The following COL4A2 variants were observed in gnomAD, a reference collection of about 807,000 sequenced individuals.
COL4A2 encodes the protein collagen type IV alpha 2 chain.
In COL4A2, 99 loss-of-function variants were observed where a neutral mutation model predicts 200.2. The ratio of observed to expected loss-of-function variants is 0.49; its 90% CI spans 0.42 to 0.58. The LOEUF (loss-of-function observed/expected upper bound fraction) is 0.58. Among genes scored for constraint, COL4A2 ranks in the 20% least tolerant of loss-of-function variants. The pLI is 0.00. For synonymous variants in COL4A2, 897 were observed against 900.6 expected, an observed-to-expected ratio of 1.00 and a Z score of 0.07; for missense variants, 1,950 against 2,314.1, an observed-to-expected ratio of 0.84 and a Z score of 3.23.
At chr13:110,316,061 G>A (rs1206599566) in intron 3 of COL4A2, among the ~76,000 whole-genome samples, 2 of 152,020 alleles carry the variant, frequency 1.3e-5, no homozygotes, top group African/African-American at 4.8e-5. Context: ...TGAAAGATTT[G>A]CATTTTTTCC....
Position 110,428,488 on chromosome 13 carries a change from C to T in COL4A2, c.382C>T (p.Pro128Ser), listed in dbSNP as rs975120661. The change falls in exon 7 of 48, where the codon CCC (proline) becomes TCC (serine). Residue 128 changes from proline (P) to serine (S), a missense_variant. Physicochemically the swap from Pro to Ser is moderately conservative, Grantham distance 74. This residue lies in a region of COL4A2 where 565 missense variants were observed against 593.5 expected (regional missense o/e 0.95). Coordinates refer to ENST00000360467, the MANE Select transcript of COL4A2 (RefSeq NM_001846.4). The part of the protein sequence containing the change: ...GIPGHPGQGG[P>S]RGRPGYDGCN... Reference sequence around the variant, plus strand: ...CCAGGGACACCCGGGGCAAGGTGGGCCCAGGGGAAGGCCGGGCTACGATGG... The same window carrying T: ...CCAGGGACACCCGGGGCAAGGTGGGTCCAGGGGAAGGCCGGGCTACGATGG... 64 of 1,579,700 alleles carry T rather than the reference C, an allele frequency of 4.1e-5. No individual in the cohort carries two copies. The highest frequency in any genetic ancestry group is 5.2e-5 in the Non-Finnish European group (61 of 1,168,054).
chr13:110,449,728 C>G lies in COL4A2; in HGVS notation c.1128C>G (p.Ser376Arg). ...GFPGAQGEPG[S>R]QGEPGDPGLP... ...CAGGGGCCCAAGGGGAGCCAGGAAG[C>G]CAGGGTGAGCCAGGAGACCCGGGCC... Residue 376 changes from serine (S) to arginine (R), a missense_variant, in exon 19 of 48, where the codon AGC (serine) becomes AGG (arginine). Around this residue, in one of 2 missense-constraint regions of COL4A2, gnomAD observed 565 missense variants for 593.5 expected, o/e 0.95. Transcript: ENST00000360467. 6.5e-7 allele frequency: 1 copy of G among 1,549,556 alleles called. No homozygotes were observed. The highest frequency in any genetic ancestry group is 8.7e-7 in the Non-Finnish European group (1 of 1,146,552).
In COL4A2 at chr13:110,459,263, C is replaced by T. The variant is rs140432620; in HGVS notation, c.1596+329C>T. On this transcript the variant is annotated intron_variant, in intron 22 of 47. Coordinates refer to ENST00000360467, the MANE Select transcript of COL4A2 (RefSeq NM_001846.4). Reference sequence around the variant, plus strand: ...GCACGTGTCCACACAAACACACATACACCAATGTTCACAGCAGCATTCTTC... The same window carrying T: ...GCACGTGTCCACACAAACACACATATACCAATGTTCACAGCAGCATTCTTC... 814 of 243,892 alleles carry T rather than the reference C, an allele frequency of 3.3e-3. 7 individuals carry two copies. The highest frequency in any genetic ancestry group is 0.017 in the African/African-American group (752 of 44,294). 15.1% of individuals were successfully genotyped at this position (243,892 alleles called of 1,614,324 possible).
At chr13:110,320,169 C>T (rs1321290476) in intron 3 of COL4A2, among the ~76,000 whole-genome samples, 1 of 152,214 alleles carries the variant, frequency 6.6e-6, no homozygotes, top group Non-Finnish European at 1.5e-5. Flanking sequence ...TTTTGCCAGG[C>T]GCAGCCGCAC....
chr13:110,477,169 C>T (rs1034348551), intron 29 of COL4A2, among the ~76,000 whole-genome samples: 2 of 152,078 alleles, frequency 1.3e-5, no homozygotes, highest in African/African-American at 2.4e-5. Flanking sequence ...GGCAACATGG[C>T]AAAACCCTGT....
intron 45 of COL4A2, among the ~76,000 whole-genome samples, chr13:110,505,684 G>A (rs1261723281): frequency 6.6e-6 from 1 of 152,198 alleles, no homozygotes; most frequent in African/African-American, 2.4e-5. Context: ...GTGCTCCTCG[G>A]GTAGGAGTTA....
In COL4A2 at chr13:110,482,502, CTT is replaced by C. The variant is rs781552096; in HGVS notation, c.2759-11_2759-10del. On this transcript the variant is annotated splice_polypyrimidine_tract_variant and intron_variant, in intron 31 of 47. Transcript: ENST00000360467. Reference sequence around the variant, plus strand: ...TTCATGTCTAACCCAGCACTTTTCTCTTTTCCTCTGAAGGAGATAGAGGCTCA... The same window carrying C: ...TTCATGTCTAACCCAGCACTTTTCTCTTCCTCTGAAGGAGATAGAGGCTCA... The C allele has an allele frequency of 2.5e-6, 4 of 1,612,750 alleles. No individual in the cohort carries two copies. In the South Asian group the frequency reaches 3.3e-5, roughly 13 times the overall value.
At chr13:110,322,439 C>T (rs1043170749) in intron 3 of COL4A2, among the ~76,000 whole-genome samples, 1 of 152,172 alleles carries the variant, frequency 6.6e-6, no homozygotes, top group South Asian at 2.1e-4. Flanking sequence ...GGTGCAGGCA[C>T]CAGACCTAAA....
At chr13:110,457,601 G>A (rs577889275) in intron 21 of COL4A2, 166 bp downstream of exon 21, 103 of 701,012 alleles carry the variant, frequency 1.5e-4, no homozygotes, top group South Asian at 1.1e-3. Flanking sequence ...AGAGGGAGGC[G>A]CATGGAGCCA....
intron 8 of COL4A2, 99 bp downstream of exon 8, chr13:110,430,055 T>C (rs889901483): frequency 2.4e-6 from 3 of 1,226,634 alleles, no homozygotes; most frequent in Admixed American, 2.8e-5. Context: ...TAAGAATGAA[T>C]GTACTGAAGG....
At chr13:110,494,898 C>T (rs1261706984) in intron 39 of COL4A2, among the ~76,000 whole-genome samples, 23 of 152,222 alleles carry the variant, frequency 1.5e-4, no homozygotes, top group Non-Finnish European at 4.4e-5. Flanking sequence ...TTCCAGTGGG[C>T]GAGTGGCGGG....
chr13:110,458,175 C>T (rs1410059455), intron 21 of COL4A2: 4 of 465,792 alleles, frequency 8.6e-6, no homozygotes, highest in Middle Eastern at 3.3e-4. Flanking sequence ...GAGCAGGCAC[C>T]GCAGGACCTG....
chr13:110,479,479 A>G (rs188509361), intron 30 of COL4A2, among the ~76,000 whole-genome samples: 1,096 of 10,824 alleles, frequency 0.1, 9 homozygotes, highest in Non-Finnish European at 0.15. Context: ...CCCAGGGAAC[A>G]CTTTGGAGCC....
At chr13:110,396,879 G>T (rs1307024863) in intron 4 of COL4A2, among the ~76,000 whole-genome samples, 1 of 152,178 alleles carries the variant, frequency 6.6e-6, no homozygotes, top group Non-Finnish European at 1.5e-5. Context: ...GTGTCAGATG[G>T]TATGCATAGA....
intron 29 of COL4A2, among the ~76,000 whole-genome samples, chr13:110,474,944 GCA>G (rs71127943): frequency 6.1e-5 from 3 of 48,984 alleles, no homozygotes; most frequent in African/African-American, 2.1e-4. Context: ...ACGTGCCTGT[GCA>G]CACACGATCA....
At chr13:110,425,769 G>A (rs906256098) in intron 6 of COL4A2, among the ~76,000 whole-genome samples, 1 of 152,212 alleles carries the variant, frequency 6.6e-6, no homozygotes, top group Admixed American at 6.5e-5. Context: ...CACGCACAGG[G>A]AGAGAGACTC....
chr13:110,349,567 G>T (rs1401778686), intron 3 of COL4A2, among the ~76,000 whole-genome samples: 1 of 152,138 alleles, frequency 6.6e-6, no homozygotes, highest in Non-Finnish European at 1.5e-5. Flanking sequence ...GGCAGCTAGT[G>T]ACTCCAAGCA....
rs74969992 is a variant in COL4A2, at chr13:110,488,596, G to A, written c.3208-849G>A. 5.5e-3 allele frequency among the ~76,000 whole-genome samples: 838 copies of A among 152,310 alleles called. 3 individuals are homozygous for A. The highest frequency in any genetic ancestry group is 8.4e-3 in the Non-Finnish European group (574 of 68,032). Reference sequence around the variant, plus strand: ...CAGCCCCATATCTGTGTTATAATCTGCAGAGAGCAAGCTCTGCAGTCTGGC... The same window carrying A: ...CAGCCCCATATCTGTGTTATAATCTACAGAGAGCAAGCTCTGCAGTCTGGC... On this transcript the variant is annotated intron_variant, in intron 34 of 47. Transcript: ENST00000360467.
chr13:110,327,258 C>G (rs1485234658), intron 3 of COL4A2, among the ~76,000 whole-genome samples: 1 of 152,240 alleles, frequency 6.6e-6, no homozygotes, highest in Non-Finnish European at 1.5e-5. Context: ...CCCAGTTACT[C>G]TGGTTGGGTT....
Sources: allele counts gnomAD v4.1 joint callset (sites outside exome capture counted in the v4.1 genomes callset), GRCh38; gene constraint gnomAD v4.1.1; regional missense constraint gnomAD v4.1.1; transcripts MANE v1.5; gene names NCBI Gene and HGNC (gene_info 2026-07-23, HGNC 2026-07-21).